The following KCNN3 variants were observed in gnomAD, a reference collection of about 807,000 sequenced individuals.
KCNN3 encodes small conductance calcium-activated potassium channel protein 3.
Under a neutral mutation model 62.9 loss-of-function variants are expected in KCNN3, and 16 were observed. The observed-to-expected ratio is 0.25, with a 90% CI of 0.17 to 0.39. The LOEUF (loss-of-function observed/expected upper bound fraction) is 0.39, where lower values mean the gene tolerates loss of function less well. Among genes scored for constraint, KCNN3 ranks in the 10% least tolerant of loss-of-function variants. The pLI, the probability that KCNN3 is intolerant of heterozygous loss-of-function variation, is 1.00. For synonymous variants in KCNN3, 370 were observed against 389.2 expected, an observed-to-expected ratio of 0.95 and a Z score of 0.58; for missense variants, 599 against 949.4, an observed-to-expected ratio of 0.63 and a Z score of 4.85.
In KCNN3 at chr1:154,860,412, TTC is replaced by T. The variant is rs200355468; in HGVS notation, c.933+8618_933+8619del. 3.3e-3 allele frequency among the ~76,000 whole-genome samples: 509 copies of T among 152,218 alleles called. 2 individuals carry two copies. The highest frequency in any genetic ancestry group is 0.012 in the African/African-American group (492 of 41,510). On this transcript the variant is annotated intron_variant, in intron 1 of 7. Transcript: ENST00000271915. ...GCCTGGCCCCACGGGTTTATTTTTGTTCTCTCTCCACCTGTCCGATTTGCATG... is the reference window on the plus strand; with the variant it reads ...GCCTGGCCCCACGGGTTTATTTTTGTTCTCTCCACCTGTCCGATTTGCATG...
chr1:154,833,073 C>T (rs910057928), intron 1 of KCNN3, among the ~76,000 whole-genome samples: 1 of 152,150 alleles, frequency 6.6e-6, no homozygotes, highest in African/African-American at 2.4e-5. Context: ...CTCCAATTGG[C>T]CTTCCCCCTT....
At position 154,852,637 on chromosome 1, in the gene KCNN3, C is replaced by T. The variant is rs539259257; in HGVS notation, c.933+16395G>A. ...CACACCAGATTTCAAAGACTTAGTA[C>T]AAAAAATAAAGTGTAAAAGATCTCA... On this transcript the variant is annotated intron_variant, in intron 1 of 7. Coordinates refer to ENST00000271915, the MANE Select transcript of KCNN3 (RefSeq NM_002249.6). Among the ~76,000 whole-genome samples the T allele has an allele frequency of 2.0e-5, 3 of 152,234 alleles. No individual in the cohort carries two copies. The South Asian group carries it at 6.2e-4, about 32-fold the overall frequency.
chr1:154,842,632 C>G (rs928070453), intron 1 of KCNN3, among the ~76,000 whole-genome samples: 22 of 14,244 alleles, frequency 1.5e-3, no homozygotes, highest in South Asian at 0.011. Context: ...TTCAGGGACC[C>G]CCCCCCCGCC....
At chr1:154,736,868 CTG>C (rs1700722335) in intron 3 of KCNN3, among the ~76,000 whole-genome samples, 1 of 152,050 alleles carries the variant, frequency 6.6e-6, no homozygotes, top group African/African-American at 2.4e-5. Context: ...TGCGTGCTAA[CTG>C]TGTGTGCTGA....
At chr1:154,796,569 A>T (rs912891792) in intron 2 of KCNN3, among the ~76,000 whole-genome samples, 1 of 152,248 alleles carries the variant, frequency 6.6e-6, no homozygotes, top group East Asian at 1.9e-4. Context: ...GTTACAATTC[A>T]TCTGGCTGCA....
At chr1:154,733,838 A>C (rs1036907292) in intron 3 of KCNN3, among the ~76,000 whole-genome samples, 2 of 152,054 alleles carry the variant, frequency 1.3e-5, no homozygotes, top group Non-Finnish European at 2.9e-5. Flanking sequence ...TTCATCCCCA[A>C]CACCAAGACC....
At chr1:154,806,848 C>A (rs768167746) in intron 2 of KCNN3, among the ~76,000 whole-genome samples, 40 of 152,180 alleles carry the variant, frequency 2.6e-4, no homozygotes, top group Non-Finnish European at 5.3e-4. Context: ...GGGTTTCCTG[C>A]GGTCCCTGAA....
intron 1 of KCNN3, among the ~76,000 whole-genome samples, chr1:154,850,775 G>C (rs1652269432): frequency 1.3e-5 from 2 of 152,174 alleles, no homozygotes. Flanking sequence ...ATTTCAGTAA[G>C]TTTCCATAAA....
chr1:154,812,819 C>T (rs1021238172), intron 2 of KCNN3, among the ~76,000 whole-genome samples: 1 of 152,154 alleles, frequency 6.6e-6, no homozygotes, highest in Non-Finnish European at 1.5e-5. Flanking sequence ...TAGGGGACAG[C>T]CAGCTCTGTG....
chr1:154,711,355 AG>A (rs1370478884), intron 7 of KCNN3, among the ~76,000 whole-genome samples: 1 of 72,144 alleles, frequency 1.4e-5, no homozygotes, highest in South Asian at 6.3e-4. Context: ...GGGTGGGGGG[AG>A]GGGGGAGGGA....
chr1:154,780,316 A>C (rs1230588935), intron 2 of KCNN3, among the ~76,000 whole-genome samples: 2 of 148,216 alleles, frequency 1.3e-5, no homozygotes, highest in African/African-American at 5.0e-5. Context: ...TTTAAGCAAA[A>C]TCTGTCATTA....
At chr1:154,854,514 T>G (rs1652438142) in intron 1 of KCNN3, among the ~76,000 whole-genome samples, 1 of 152,196 alleles carries the variant, frequency 6.6e-6, no homozygotes, top group African/African-American at 2.4e-5. Context: ...TCATAGCACT[T>G]ATCACCATCG....
chr1:154,770,656 CTG>C (rs1648512839), intron 3 of KCNN3, among the ~76,000 whole-genome samples: 1 of 152,218 alleles, frequency 6.6e-6, no homozygotes, highest in Non-Finnish European at 1.5e-5. Context: ...AATGAGGAAA[CTG>C]TAGCCCAGAG....
At chr1:154,733,243 T>G (rs1027267263) in intron 3 of KCNN3, 99 bp from the exon 4 acceptor site, 3 of 1,287,732 alleles carry the variant, frequency 2.3e-6, no homozygotes, top group Non-Finnish European at 3.4e-6. Context: ...GATATTTTGC[T>G]GAGGAAGAGG....
intron 5 of KCNN3, among the ~76,000 whole-genome samples, chr1:154,719,735 C>G (rs955220868): frequency 6.6e-6 from 1 of 152,124 alleles, no homozygotes; most frequent in Non-Finnish European, 1.5e-5. Flanking sequence ...CAAGCCCACT[C>G]TCCCCTCATC....
intron 2 of KCNN3, among the ~76,000 whole-genome samples, chr1:154,782,234 G>A (rs969676866): frequency 3.3e-5 from 5 of 152,218 alleles, no homozygotes; most frequent in Admixed American, 3.3e-4. Flanking sequence ...TCCCACCAGG[G>A]CCATGTGCAC....
chr1:154,712,944 T>C (rs1298255365), intron 7 of KCNN3, among the ~76,000 whole-genome samples: 1 of 152,170 alleles, frequency 6.6e-6, no homozygotes, highest in Non-Finnish European at 1.5e-5. Context: ...ATCTGCCTCT[T>C]GAGAAGTAAA....
At chr1:154,781,693 G>A (rs1016865942) in intron 2 of KCNN3, among the ~76,000 whole-genome samples, 2 of 152,172 alleles carry the variant, frequency 1.3e-5, no homozygotes, top group East Asian at 1.9e-4. Flanking sequence ...AGAGGTGCTC[G>A]ATGCACAGGC....
chr1:154,823,869 G>A (rs763548906), intron 1 of KCNN3, among the ~76,000 whole-genome samples: 5 of 152,106 alleles, frequency 3.3e-5, no homozygotes, highest in Admixed American at 2.6e-4. Context: ...CTTGGGACTC[G>A]AACCCAGGAC....
Sources: allele counts gnomAD v4.1 joint callset (sites outside exome capture counted in the v4.1 genomes callset), GRCh38; gene constraint gnomAD v4.1.1; transcripts MANE v1.5; gene names NCBI Gene and HGNC (gene_info 2026-07-23, HGNC 2026-07-21).